The following CTTNBP2NL variants were observed in gnomAD, a reference collection of about 807,000 sequenced individuals.
The protein encoded by CTTNBP2NL is CTTNBP2 N-terminal like.
Under a neutral mutation model 32.5 loss-of-function variants are expected in CTTNBP2NL, and 16 were observed. That is an observed-to-expected ratio of 0.49 (90% confidence interval 0.33 to 0.75). CTTNBP2NL has a LOEUF of 0.75. CTTNBP2NL is among the 30% of genes least tolerant of loss of function. CTTNBP2NL has a pLI of 0.02. For missense variants in CTTNBP2NL, 645 were observed against 756.0 expected (o/e 0.85, Z 1.72); for synonymous variants, 298 against 289.4 (o/e 1.03, Z -0.30).
At chr1:112,425,087 C>T (rs1432407957) in intron 3 of CTTNBP2NL, among the ~76,000 whole-genome samples, 2 of 151,894 alleles carry the variant, frequency 1.3e-5, no homozygotes, top group African/African-American at 4.8e-5. Context: ...CCTCACCCTC[C>T]CAAAGTGCTG....
Position 112,451,751 on chromosome 1 carries a change from C to T in CTTNBP2NL, c.330+2579C>T, listed in dbSNP as rs552270575. Among the ~76,000 whole-genome samples, 5 of 136,114 alleles carry T rather than the reference C, an allele frequency of 3.7e-5. No individual in the cohort carries two copies. In the East Asian group the frequency reaches 8.6e-4, roughly 23 times the overall value. 89.3% of individuals were successfully genotyped at this position (136,114 alleles called of 152,430 possible). A position where few individuals can be genotyped will look rare whatever the true frequency, so the allele number is the denominator to read the frequency against. On this transcript the variant is annotated intron_variant, in intron 4 of 5. Transcript: ENST00000271277. ...CACCACTGTAATCCAGCTTGGGTGA[C>T]AGAGCAAGACTGTCTCAAAAAAAAA...
At chr1:112,392,562 A>G (rs1648211733), upstream of CTTNBP2NL, among the ~76,000 whole-genome samples, 2 of 152,160 alleles carry the variant, frequency 1.3e-5, no homozygotes. Context: ...CAGACTGTGA[A>G]TTTATTTAGA....
chr1:112,422,710 A>G (rs1315468058), intron 3 of CTTNBP2NL, among the ~76,000 whole-genome samples: 2 of 152,082 alleles, frequency 1.3e-5, no homozygotes, highest in Non-Finnish European at 2.9e-5. Flanking sequence ...TAAAATTTGC[A>G]TATTATTGTT....
chr1:112,433,959 A>G (rs375248296), intron 3 of CTTNBP2NL, among the ~76,000 whole-genome samples: 1 of 151,278 alleles, frequency 6.6e-6, no homozygotes, highest in East Asian at 1.9e-4. Flanking sequence ...GCTAGTCCCG[A>G]ACTCCTGGGC....
Position 112,449,069 on chromosome 1 carries a change from G to C in CTTNBP2NL, c.227G>C (p.Cys76Ser), listed in dbSNP as rs761210850. Reference sequence around the variant, plus strand: ...AATGATGGCGAAAAGCAGCCAGTCTGCACAAATCCACTCTCTATTCTTAAG... The same window carrying C: ...AATGATGGCGAAAAGCAGCCAGTCTCCACAAATCCACTCTCTATTCTTAAG... ...EKNDGEKQPV[C>S]TNPLSILKVV... Residue 76 changes from cysteine (C) to serine (S), a missense_variant, in exon 4 of 6, where the codon TGC (cysteine) becomes TCC (serine). Cys to Ser is a moderately radical substitution (Grantham distance 112, BLOSUM62 -1). Coordinates refer to ENST00000271277, the MANE Select transcript of CTTNBP2NL (RefSeq NM_018704.3). 13 of 1,612,936 alleles carry C rather than the reference G, an allele frequency of 8.1e-6. No individual in the cohort carries two copies. Among genetic ancestry groups the C allele is most frequent in the Non-Finnish European group, 1.1e-5 (13 of 1,178,918 alleles).
intron 1 of CTTNBP2NL, among the ~76,000 whole-genome samples, chr1:112,404,470 G>A (rs1648600491): frequency 6.6e-6 from 1 of 152,126 alleles, no homozygotes; most frequent in Admixed American, 6.5e-5. Context: ...TCCCCAGTGT[G>A]GAATCTTAGT....
intron 1 of CTTNBP2NL, among the ~76,000 whole-genome samples, chr1:112,409,978 A>G (rs1160027556): frequency 6.6e-6 from 1 of 152,224 alleles, no homozygotes; most frequent in Non-Finnish European, 1.5e-5. Flanking sequence ...AAGAAAGTTC[A>G]TCTAGAAAAG....
intron 3 of CTTNBP2NL, among the ~76,000 whole-genome samples, chr1:112,434,104 T>C (rs1404603999): frequency 6.6e-6 from 1 of 152,212 alleles, no homozygotes; most frequent in Non-Finnish European, 1.5e-5. Context: ...AAAAGATATT[T>C]CCTGATACTT....
intron 3 of CTTNBP2NL, among the ~76,000 whole-genome samples, chr1:112,443,078 C>T (rs1649941751): frequency 6.6e-6 from 1 of 152,172 alleles, no homozygotes; most frequent in Admixed American, 6.5e-5. Flanking sequence ...TATTTTTAGT[C>T]TTGAATAGAA....
intron 1 of CTTNBP2NL, among the ~76,000 whole-genome samples, chr1:112,407,936 C>T (rs1268665781): frequency 6.7e-6 from 1 of 149,928 alleles, no homozygotes; most frequent in Non-Finnish European, 1.5e-5. Context: ...CCTCCACCAC[C>T]CGGGCTCACG....
chr1:112,456,268 G>A lies in CTTNBP2NL; in HGVS notation c.776G>A (p.Arg259Gln), dbSNP rs150052375. The change falls in exon 6 of 6, where the codon CGG becomes CAG. Residue 259 changes from arginine to glutamine, a missense_variant. Coordinates refer to ENST00000271277, the MANE Select transcript of CTTNBP2NL (RefSeq NM_018704.3). ...GCAAAACTGAACCGAGAAGAGAACC[G>A]GACCAAAACCCTGAAAGAAGAAATG... ...LRAKLNREENRTKTLKEEMES... is the reference protein window; with the variant it reads ...LRAKLNREENQTKTLKEEMES... 1.3e-4 allele frequency: 211 copies of A among 1,613,954 alleles called. No individual in the cohort carries two copies. In the East Asian group the frequency reaches 4.2e-3, roughly 32 times the overall value.
At chr1:112,410,187 G>A (rs1396361698) in intron 1 of CTTNBP2NL, among the ~76,000 whole-genome samples, 1 of 152,220 alleles carries the variant, frequency 6.6e-6, no homozygotes, top group Non-Finnish European at 1.5e-5. Context: ...GAGGTCAGGA[G>A]TTTGAGACCA....
chr1:112,405,067 C>A (rs975283880), intron 1 of CTTNBP2NL, among the ~76,000 whole-genome samples: 119 of 150,526 alleles, frequency 7.9e-4, no homozygotes, highest in African/African-American at 2.8e-3. Flanking sequence ...AACTCCATCT[C>A]AAAAAAAACA....
rs34842059 is a variant in CTTNBP2NL at position 112,452,645 on chromosome 1, C to CTTTTTTTTTTTTTTTTTT, written c.331-1791_331-1790insTTTTTTTTTTTTTTTTTT. Reference sequence around the variant, plus strand: ...AGGCATGAGCCACCACTCCTGGCCTCTTTTTTTTTTTTTGAGACAAAGTCT... The same window carrying CTTTTTTTTTTTTTTTTTT: ...AGGCATGAGCCACCACTCCTGGCCTCTTTTTTTTTTTTTTTTTTTTTTTTTTTTTTTGAGACAAAGTCT... On this transcript the variant is annotated intron_variant, in intron 4 of 5. Coordinates refer to ENST00000271277, the MANE Select transcript of CTTNBP2NL (RefSeq NM_018704.3). Among the ~76,000 whole-genome samples, 818 of 132,928 alleles carry CTTTTTTTTTTTTTTTTTT rather than the reference C, an allele frequency of 6.2e-3. 43 individuals are homozygous for CTTTTTTTTTTTTTTTTTT. The highest frequency in any genetic ancestry group is 0.024 in the African/African-American group (775 of 32,074). 87.2% of individuals were successfully genotyped at this position (132,928 alleles called of 152,430 possible).
chr1:112,433,813 A>G (rs1292236480), intron 3 of CTTNBP2NL, among the ~76,000 whole-genome samples: 2 of 151,798 alleles, frequency 1.3e-5, no homozygotes, highest in Non-Finnish European at 2.9e-5. Context: ...TTTGCAGTCC[A>G]TCATGTTGCC....
At chr1:112,396,183 C>G (rs1181437854), upstream of CTTNBP2NL, 1 of 152,312 alleles carries the variant, frequency 6.6e-6, no homozygotes, top group African/African-American at 2.4e-5. Flanking sequence ...ATGCCAATGC[C>G]CCCGCCGGGC....
intron 1 of CTTNBP2NL, among the ~76,000 whole-genome samples, chr1:112,398,956 A>C (rs1009626717): frequency 1.3e-5 from 2 of 152,170 alleles, no homozygotes; most frequent in Non-Finnish European, 2.9e-5. Flanking sequence ...TGTTCTAAAT[A>C]TCTGACCTGA....
intron 1 of CTTNBP2NL, among the ~76,000 whole-genome samples, chr1:112,401,407 A>T (rs1452295873): frequency 6.6e-6 from 1 of 152,126 alleles, no homozygotes; most frequent in East Asian, 1.9e-4. Flanking sequence ...CAGCTAGCCG[A>T]TGTCTTCTTT....
intron 3 of CTTNBP2NL, among the ~76,000 whole-genome samples, chr1:112,430,467 A>G (rs1649538151): frequency 6.7e-6 from 1 of 150,356 alleles, no homozygotes; most frequent in Non-Finnish European, 1.5e-5. Flanking sequence ...CGAACTCCTG[A>G]CCTCAAGTGA....
Sources: allele counts gnomAD v4.1 joint callset (sites outside exome capture counted in the v4.1 genomes callset), GRCh38; gene constraint gnomAD v4.1.1; transcripts MANE v1.5; gene names NCBI Gene and HGNC (gene_info 2026-07-23, HGNC 2026-07-21).